PIAS2: variants seen among roughly 807,000 people sequenced by gnomAD.
PIAS2 encodes the protein E3 SUMO-protein ligase PIAS2.
A neutral mutation model predicts 69.7 loss-of-function variants in PIAS2; 19 were observed. That is an observed-to-expected ratio of 0.27 (90% CI 0.19 to 0.40). The LOEUF (loss-of-function observed/expected upper bound fraction) is 0.40. Ranked by LOEUF, PIAS2 falls within the 10% of genes least tolerant of loss-of-function variation. The probability of loss-of-function intolerance (pLI) is 1.00; values close to 1 mark genes in which losing one functional copy is unlikely to be tolerated. For missense variants in PIAS2, 624 were observed against 757.0 expected (o/e 0.82, Z 2.06); for synonymous variants, 261 against 263.2 (o/e 0.99, Z 0.08).
Position 46,829,885 on chromosome 18 carries a change from A to G in PIAS2, c.1203-18T>C, listed in dbSNP as rs752650415. On this transcript the variant is annotated intron_variant, in intron 9 of 13. Coordinates refer to ENST00000585916, the MANE Select transcript of PIAS2 (RefSeq NM_004671.5). ...TAAAAAGCCTAAAAAACAATTAAGAAGTACATACATGTGATCAACAGCTTT... is the reference window on the plus strand; with the variant it reads ...TAAAAAGCCTAAAAAACAATTAAGAGGTACATACATGTGATCAACAGCTTT... The G allele has an allele frequency of 1.2e-6, 2 of 1,607,890 alleles. No individual in the cohort carries two copies. The highest frequency in any genetic ancestry group is 3.4e-5 in the Admixed American group (2 of 59,104).
chr18:46,870,339 G>C (rs1246522787), intron 2 of PIAS2, among the ~76,000 whole-genome samples: 1 of 152,084 alleles, frequency 6.6e-6, no homozygotes, highest in Non-Finnish European at 1.5e-5. Flanking sequence ...CTCAAGACCG[G>C]GTGCAGTGGC....
intron 5 of PIAS2, among the ~76,000 whole-genome samples, chr18:46,849,160 A>G (rs961543985): frequency 2.0e-5 from 3 of 152,220 alleles, no homozygotes; most frequent in Non-Finnish European, 4.4e-5. Context: ...GAAAAGGGCA[A>G]CAGAAGCAGG....
chr18:46,878,658 C>G (rs1254180741), intron 2 of PIAS2, among the ~76,000 whole-genome samples: 1 of 152,190 alleles, frequency 6.6e-6, no homozygotes, highest in Non-Finnish European at 1.5e-5. Flanking sequence ...CACCTGAGGT[C>G]AGGAGTTCGA....
Position 46,804,356 on chromosome 18 carries a change from T to C in PIAS2, c.*8077A>G, listed in dbSNP as rs1276538876. 6.6e-6 allele frequency: 1 copy of C among 152,160 alleles called. No homozygotes were observed. The highest frequency in any genetic ancestry group is 2.4e-5 in the African/African-American group (1 of 41,430). 9.4% of individuals were successfully genotyped at this position (152,160 alleles called of 1,614,324 possible). Reference sequence around the variant, plus strand: ...TCAAGAAAGGCCTCTGAGAAAGTAGTTAAAACTGGATTTGAAACCTGACTC... The same window carrying C: ...TCAAGAAAGGCCTCTGAGAAAGTAGCTAAAACTGGATTTGAAACCTGACTC... On this transcript the variant is annotated 3_prime_UTR_variant, in exon 14 of 14. Coordinates refer to ENST00000585916, the MANE Select transcript of PIAS2 (RefSeq NM_004671.5).
chr18:46,810,260 A>G lies in PIAS2; in HGVS notation c.*2173T>C, dbSNP rs1310696875. ...TCAGTTATAAGAACCAAGTAAATAAACTAATTTCTATTAATATTTTCATTT... is the reference window on the plus strand; with the variant it reads ...TCAGTTATAAGAACCAAGTAAATAAGCTAATTTCTATTAATATTTTCATTT... On this transcript the variant is annotated 3_prime_UTR_variant, in exon 14 of 14. Transcript: ENST00000585916. 2 of 152,176 alleles carry G rather than the reference A, an allele frequency of 1.3e-5. No individual in the cohort carries two copies. The highest frequency in any genetic ancestry group is 2.9e-5 in the Non-Finnish European group (2 of 68,030). 9.4% of individuals were successfully genotyped at this position (152,176 alleles called of 1,614,324 possible).
intron 1 of PIAS2, among the ~76,000 whole-genome samples, chr18:46,911,363 C>T (rs1477771334): frequency 6.6e-6 from 1 of 151,900 alleles, no homozygotes; most frequent in Admixed American, 6.6e-5. Context: ...TTACAGGTGC[C>T]CACCACCACG....
chr18:46,855,930 G>GT (rs1217019012), intron 3 of PIAS2, among the ~76,000 whole-genome samples: 1 of 145,504 alleles, frequency 6.9e-6, no homozygotes, highest in Non-Finnish European at 1.5e-5. Flanking sequence ...TTCGGAAAGA[G>GT]TTTTAATCAG....
At chr18:46,857,189 A>C (rs2047968258) in intron 3 of PIAS2, among the ~76,000 whole-genome samples, 1 of 152,224 alleles carries the variant, frequency 6.6e-6, no homozygotes, top group Admixed American at 6.5e-5. Context: ...TATCCTTGAC[A>C]ATACTGACCT....
rs1191723440 is a variant in PIAS2 at position 46,807,897 on chromosome 18, T to A, written c.*4536A>T. On this transcript the variant is annotated 3_prime_UTR_variant, in exon 14 of 14. Transcript: ENST00000585916. ...CATCTAGCTGCAGTATAAATTAACATACCCATGTGGAAAAGTGGTATGAAT... is the reference window on the plus strand; with the variant it reads ...CATCTAGCTGCAGTATAAATTAACAAACCCATGTGGAAAAGTGGTATGAAT... 6.6e-6 allele frequency: 1 copy of A among 152,152 alleles called. No individual in the cohort carries two copies. Among genetic ancestry groups the A allele is most frequent in the African/African-American group, 2.4e-5 (1 of 41,438 alleles). 9.4% of individuals were successfully genotyped at this position (152,152 alleles called of 1,614,324 possible).
intron 2 of PIAS2, among the ~76,000 whole-genome samples, chr18:46,864,461 C>T (rs1011028524): frequency 1.3e-5 from 2 of 152,076 alleles, no homozygotes; most frequent in African/African-American, 2.4e-5. Flanking sequence ...AAGTACGTAA[C>T]CATTCTTTAT....
At chr18:46,887,550 C>T (rs571161278) in intron 2 of PIAS2, among the ~76,000 whole-genome samples, 1 of 152,126 alleles carries the variant, frequency 6.6e-6, no homozygotes, top group East Asian at 1.9e-4. Context: ...CTTCATTAGG[C>T]AGTAAGAATT....
At chr18:46,858,952 G>T (rs1028679081) in intron 3 of PIAS2, among the ~76,000 whole-genome samples, 1 of 152,080 alleles carries the variant, frequency 6.6e-6, no homozygotes, top group Non-Finnish European at 1.5e-5. Flanking sequence ...CCAGTGAGGT[G>T]GTGATCATTA....
chr18:46,820,211 C>A (rs1275840555), intron 12 of PIAS2, among the ~76,000 whole-genome samples: 1 of 152,072 alleles, frequency 6.6e-6, no homozygotes, highest in Non-Finnish European at 1.5e-5. Flanking sequence ...GTTCAAGTAA[C>A]CGTTATTTTA....
chr18:46,901,578 T>C (rs1319359812), intron 1 of PIAS2, among the ~76,000 whole-genome samples: 3 of 152,264 alleles, frequency 2.0e-5, no homozygotes, highest in Non-Finnish European at 4.4e-5. Flanking sequence ...TGGTTCATTA[T>C]ATGCCACTGC....
chr18:46,819,676 T>A (rs957920588), intron 12 of PIAS2, among the ~76,000 whole-genome samples: 5 of 152,044 alleles, frequency 3.3e-5, no homozygotes, highest in Non-Finnish European at 5.9e-5. Flanking sequence ...ATTAACTTCA[T>A]AAACCTAGAG....
chr18:46,815,948 T>C, intron 12 of PIAS2: 5 of 985,388 alleles, frequency 5.1e-6, no homozygotes, highest in Non-Finnish European at 6.0e-6. Flanking sequence ...CAGAGAACTG[T>C]AATTGTCCAA....
intron 3 of PIAS2, among the ~76,000 whole-genome samples, chr18:46,856,010 T>G (rs1179929109): frequency 2.2e-5 from 3 of 133,490 alleles, no homozygotes; most frequent in African/African-American, 8.6e-5. Context: ...TTTTTTTTTT[T>G]TTTTTTTTTT....
chr18:46,845,934 C>T (rs1450052236), intron 6 of PIAS2, among the ~76,000 whole-genome samples: 1 of 152,082 alleles, frequency 6.6e-6, no homozygotes, highest in African/African-American at 2.4e-5. Context: ...AAAATTCCTG[C>T]TATAAATAAT....
chr18:46,812,403 A>G lies in PIAS2; in HGVS notation c.*30T>C. The G allele has an allele frequency of 6.9e-7, 1 of 1,444,932 alleles. No homozygotes were observed. The highest frequency in any genetic ancestry group is 9.6e-7 in the Non-Finnish European group (1 of 1,038,798). 89.5% of individuals were successfully genotyped at this position (1,444,932 alleles called of 1,614,324 possible). On this transcript the variant is annotated 3_prime_UTR_variant, in exon 14 of 14. Coordinates refer to ENST00000585916, the MANE Select transcript of PIAS2 (RefSeq NM_004671.5). ...GATCCAAGAAAAAGCAGTTCTGATG[A>G]ATGATTCCCAGAATCAAGTGAGTCC...
Sources: gnomAD v4.1 joint callset for allele counts (sites outside exome capture counted in the v4.1 genomes callset) on GRCh38, gnomAD v4.1.1 for gene constraint, MANE v1.5 for transcripts, NCBI Gene and HGNC (gene_info 2026-07-23, HGNC 2026-07-21) for gene names.